The following DLG2 variants were observed in gnomAD, a reference collection of about 807,000 sequenced individuals.
The protein encoded by DLG2 is disks large homolog 2.
Under a neutral mutation model 132.5 loss-of-function variants are expected in DLG2, and 45 were observed. The observed-to-expected ratio is 0.34, with a 90% CI of 0.27 to 0.44. The LOEUF (loss-of-function observed/expected upper bound fraction) is 0.44. DLG2 is among the 20% of genes least tolerant of loss of function. The pLI is 1.00. For missense variants in DLG2, 1,045 were observed against 1,196.9 expected, an observed-to-expected ratio of 0.87 and a Z score of 1.87; for synonymous variants, 424 against 419.6, an observed-to-expected ratio of 1.01 and a Z score of -0.13.
rs776520040 is a variant in DLG2, at chr11:84,624,857, C to CTTTTTT, written c.358-90132_358-90127dup. 5.5e-3 allele frequency among the ~76,000 whole-genome samples: 416 copies of CTTTTTT among 76,162 alleles called. 109 individuals are homozygous for CTTTTTT. Among genetic ancestry groups the CTTTTTT allele is most frequent in the African/African-American group, 0.035 (298 of 8,534 alleles). 50.0% of individuals were successfully genotyped at this position (76,162 alleles called of 152,430 possible). A position where few individuals can be genotyped will look rare whatever the true frequency, so the allele number is the denominator to read the frequency against. On this transcript the variant is annotated intron_variant, in intron 6 of 27. Transcript: ENST00000376104. ...AGTTACCTCTCAGAAGAGAGTCAAC[C>CTTTTTT]TTTTTTTTTTTTTTTTTTGAGACGG...
At chr11:84,136,047 T>C (rs1000903116) in intron 9 of DLG2, among the ~76,000 whole-genome samples, 8 of 152,100 alleles carry the variant, frequency 5.3e-5, no homozygotes, top group Non-Finnish European at 7.4e-5. Context: ...AGGGTTGTTT[T>C]CTGGCTAATC....
intron 16 of DLG2, among the ~76,000 whole-genome samples, chr11:83,862,068 G>A (rs2061544908): frequency 6.6e-6 from 1 of 152,082 alleles, no homozygotes; most frequent in African/African-American, 2.4e-5. Context: ...ACTACTACAT[G>A]ATTCAGCAAT....
At chr11:84,892,550 A>C (rs975888535) in intron 6 of DLG2, among the ~76,000 whole-genome samples, 15 of 152,084 alleles carry the variant, frequency 9.9e-5, no homozygotes, top group African/African-American at 3.6e-4. Context: ...ATTTATGCTT[A>C]TAGTTTAATA....
intron 7 of DLG2, among the ~76,000 whole-genome samples, chr11:84,325,201 T>C (rs1001787474): frequency 1.3e-5 from 2 of 152,080 alleles, no homozygotes. Context: ...TCCTAATTTG[T>C]TGAGGTTTTT....
At position 84,038,120 on chromosome 11, in the gene DLG2, C is replaced by T. The variant is rs183618023; in HGVS notation, c.919+21195G>A. Reference sequence around the variant, plus strand: ...ATTTTTCCTGATCCTCTCCCTCCTTCCCGGCTCCACCTTCCACTAGGCCCC... The same window carrying T: ...ATTTTTCCTGATCCTCTCCCTCCTTTCCGGCTCCACCTTCCACTAGGCCCC... On this transcript the variant is annotated intron_variant, in intron 11 of 27. Coordinates refer to ENST00000376104, the MANE Select transcript of DLG2 (RefSeq NM_001142699.3). Among the ~76,000 whole-genome samples the T allele has an allele frequency of 1.9e-3, 289 of 152,106 alleles. 2 individuals are homozygous for T. The Middle Eastern group carries it at 0.024, about 13-fold the overall frequency.
intron 7 of DLG2, among the ~76,000 whole-genome samples, chr11:84,417,049 A>AT (rs1476372081): frequency 6.6e-6 from 1 of 152,234 alleles, no homozygotes; most frequent in African/African-American, 2.4e-5. Context: ...AGAAATGCAG[A>AT]TTCCATGATT....
chr11:85,313,860 A>T (rs1010007614), intron 3 of DLG2, among the ~76,000 whole-genome samples: 1 of 151,914 alleles, frequency 6.6e-6, no homozygotes, highest in African/African-American at 2.4e-5. Flanking sequence ...ATATGACCTC[A>T]ATTGCAAAAC....
intron 19 of DLG2, among the ~76,000 whole-genome samples, chr11:83,558,122 C>T (rs2096550564): frequency 6.6e-6 from 1 of 152,154 alleles, no homozygotes; most frequent in Admixed American, 6.5e-5. Context: ...TTCATAATTT[C>T]TCCAAACTGG....
In DLG2 at chr11:83,484,159, G is replaced by C. The variant is rs2093348010; in HGVS notation, c.2263C>G (p.Gln755Glu). 7 of 1,613,146 alleles carry C rather than the reference G, an allele frequency of 4.3e-6. No homozygotes were observed. The highest frequency in any genetic ancestry group is 4.0e-5 in the African/African-American group (3 of 74,826). Residue 755 changes from glutamine (Q) to glutamate (E), a missense_variant, in exon 22 of 28, where the codon CAG becomes GAG. Physicochemically the swap from Gln to Glu is conservative, Grantham distance 29 (BLOSUM62 2). Around this residue, in one of 4 missense-constraint regions of DLG2, gnomAD observed 398 missense variants for 543.6 expected, o/e 0.73. Transcript: ENST00000376104. ...RKFPFYKNKE[Q>E]SEQETSDPER... ...GGATCACTGGTTTCCTGCTCACTCT[G>C]CTCCTTGTTCTTGTAGAATGGGAAT...
At position 83,633,317 on chromosome 11, in the gene DLG2, G is replaced by C. The variant is rs1007099959; in HGVS notation, c.1834C>G (p.Arg612Gly). ...IAQYQPEDYA[R>G]FEAKIHDLRE... ...AGGTCATGGATTTTGGCCTCAAATCGAGCGTAATCTGGGAATGAAAACAAA... is the reference window on the plus strand; with the variant it reads ...AGGTCATGGATTTTGGCCTCAAATCCAGCGTAATCTGGGAATGAAAACAAA... The change falls in exon 19 of 28, where the codon CGA becomes GGA. Residue 612 changes from arginine (R) to glycine (G), a missense_variant. Physicochemically the swap from Arg to Gly is moderately radical, Grantham distance 125. Around this residue, in one of 4 missense-constraint regions of DLG2, gnomAD observed 398 missense variants for 543.6 expected, o/e 0.73. Transcript: ENST00000376104. 2 of 1,613,164 alleles carry C rather than the reference G, an allele frequency of 1.2e-6. No homozygotes were observed. Among genetic ancestry groups the C allele is most frequent in the Non-Finnish European group, 1.7e-6 (2 of 1,179,570 alleles).
chr11:84,277,385 C>T (rs951119929), intron 7 of DLG2, among the ~76,000 whole-genome samples: 20 of 151,986 alleles, frequency 1.3e-4, no homozygotes, highest in Non-Finnish European at 7.4e-5. Flanking sequence ...TAATCTCTGG[C>T]TATAATAGGA....
intron 6 of DLG2, among the ~76,000 whole-genome samples, chr11:84,733,424 C>T (rs1343313557): frequency 6.6e-6 from 1 of 152,164 alleles, no homozygotes; most frequent in African/African-American, 2.4e-5. Context: ...TGTCTGTTGG[C>T]TGCATAAATG....
At chr11:84,715,815 A>T (rs756106745) in intron 6 of DLG2, among the ~76,000 whole-genome samples, 3 of 152,138 alleles carry the variant, frequency 2.0e-5, no homozygotes, top group Non-Finnish European at 2.9e-5. Context: ...ATGAACACTT[A>T]GGTTGTTTCC....
intron 4 of DLG2, among the ~76,000 whole-genome samples, chr11:85,174,689 A>G (rs983951230): frequency 1.3e-5 from 2 of 152,154 alleles, no homozygotes; most frequent in Non-Finnish European, 2.9e-5. Flanking sequence ...TGATTTTTTG[A>G]AACTATTAAT....
intron 7 of DLG2, among the ~76,000 whole-genome samples, chr11:84,394,083 G>A (rs1238833896): frequency 2.0e-5 from 3 of 152,054 alleles, no homozygotes; most frequent in Non-Finnish European, 4.4e-5. Flanking sequence ...CACTATGTTG[G>A]CCAGGCTGGT....
intron 3 of DLG2, among the ~76,000 whole-genome samples, chr11:85,414,461 G>C (rs1309518139): frequency 6.6e-6 from 1 of 151,760 alleles, no homozygotes; most frequent in African/African-American, 2.4e-5. Context: ...CTGAAAGAGT[G>C]CTTGATATAA....
Position 83,579,096 on chromosome 11 carries a change from C to T in DLG2, c.1941-37238G>A, listed in dbSNP as rs375733159. On this transcript the variant is annotated intron_variant, in intron 19 of 27. Coordinates refer to ENST00000376104, the MANE Select transcript of DLG2 (RefSeq NM_001142699.3). The stretch of plus-strand genomic sequence containing the variant: ...AGCTCCCTGGTAGGGAAGAGGCTTC[C>T]ACTAACCTCTTCCACAAAACTCCAG... Among the ~76,000 whole-genome samples, 52 of 152,326 alleles carry T rather than the reference C, an allele frequency of 3.4e-4. 1 individual carries two copies. Among genetic ancestry groups the T allele is most frequent in the African/African-American group, 1.2e-3 (50 of 41,568 alleles).
At chr11:84,053,020 C>T (rs1396621920) in intron 11 of DLG2, among the ~76,000 whole-genome samples, 4 of 151,966 alleles carry the variant, frequency 2.6e-5, no homozygotes, top group East Asian at 3.9e-4. Context: ...AACCTAAATG[C>T]CCATCAATGA....
At chr11:83,841,440 T>C (rs1379273517) in intron 16 of DLG2, among the ~76,000 whole-genome samples, 1 of 152,320 alleles carries the variant, frequency 6.6e-6, no homozygotes, top group Non-Finnish European at 1.5e-5. Flanking sequence ...TGTAATCTTC[T>C]AGAAATTTTC....
Sources: allele counts gnomAD v4.1 joint callset (sites outside exome capture counted in the v4.1 genomes callset), GRCh38; gene constraint gnomAD v4.1.1; regional missense constraint gnomAD v4.1.1; transcripts MANE v1.5; gene names NCBI Gene and HGNC (gene_info 2026-07-23, HGNC 2026-07-21).